The following NWD2 variants were observed in gnomAD, a reference collection of about 807,000 sequenced individuals.
NWD2 encodes the protein NACHT and WD repeat domain containing 2.
A neutral mutation model predicts 132.7 loss-of-function variants in NWD2; 37 were observed. The ratio of observed to expected loss-of-function variants is 0.28; its 90% CI spans 0.21 to 0.37. NWD2 has a LOEUF of 0.37. NWD2 is among the 10% of genes least tolerant of loss of function. NWD2 has a pLI of 1.00. For missense variants in NWD2, 1,592 were observed against 2,122.4 expected (o/e 0.75, Z 4.91); for synonymous variants, 705 against 803.0 (o/e 0.88, Z 2.06).
chr4:37,447,282 A>T lies in NWD2; in HGVS notation c.*65A>T. ...TACAGAAGGGAAAAAAATGTGCCCC[A>T]AATGATAAACTATTCATTTATTAAA... On this transcript the variant is annotated 3_prime_UTR_variant, in exon 7 of 7. Coordinates refer to ENST00000309447, the MANE Select transcript of NWD2 (RefSeq NM_001144990.2). 1 of 1,233,466 alleles carries T rather than the reference A, an allele frequency of 8.1e-7. No homozygotes were observed. The highest frequency in any genetic ancestry group is 1.1e-6 in the Non-Finnish European group (1 of 892,470). 76.4% of individuals were successfully genotyped at this position (1,233,466 alleles called of 1,614,324 possible). A position where few individuals can be genotyped will look rare whatever the true frequency, so the allele number is the denominator to read the frequency against.
chr4:37,362,492 A>G (rs1720000558), intron 3 of NWD2, among the ~76,000 whole-genome samples: 1 of 152,202 alleles, frequency 6.6e-6, no homozygotes, highest in Non-Finnish European at 1.5e-5. Context: ...ATGGAACAAA[A>G]TGGAGAACCC....
intron 3 of NWD2, among the ~76,000 whole-genome samples, chr4:37,416,988 G>A (rs1226050751): frequency 6.6e-6 from 1 of 152,058 alleles, no homozygotes; most frequent in Non-Finnish European, 1.5e-5. Context: ...CACATGTTGG[G>A]TACAGTGTAT....
intron 3 of NWD2, among the ~76,000 whole-genome samples, chr4:37,405,360 ATAG>A (rs1011085442): frequency 2.0e-5 from 3 of 152,116 alleles, no homozygotes; most frequent in Non-Finnish European, 2.9e-5. Flanking sequence ...TAGCAGTCTA[ATAG>A]TAGATCAATA....
intron 2 of NWD2, among the ~76,000 whole-genome samples, chr4:37,337,470 A>G (rs764740116): frequency 2.6e-5 from 4 of 152,210 alleles, no homozygotes; most frequent in Non-Finnish European, 5.9e-5. Flanking sequence ...TCACCCTAGC[A>G]GGAAGATCTT....
chr4:37,445,978 C>A lies in NWD2; in HGVS notation c.3990C>A (p.Ile1330=), dbSNP rs1035953245. 4.5e-6 allele frequency: 7 copies of A among 1,551,478 alleles called. No individual in the cohort carries two copies. The Admixed American group carries it at 5.9e-5, about 13-fold the overall frequency. ...TGTTGTTGCCTGCTAGAGGGGAAATCATTTACTCCCTGGATGGATCCGATT... is the reference window on the plus strand; with the variant it reads ...TGTTGTTGCCTGCTAGAGGGGAAATAATTTACTCCCTGGATGGATCCGATT... ...QSLLLPARGE[I]IYSLDGSDCV... The change falls in exon 7 of 7, where the codon ATC becomes ATA. Residue 1330 remains isoleucine (I), a synonymous_variant. Coordinates refer to ENST00000309447, the MANE Select transcript of NWD2 (RefSeq NM_001144990.2). This position sits in a 1 kb window ranked among gnomAD's most constrained non-coding sequence, Gnocchi z 4.7.
chr4:37,339,069 GGGCCAGTGCTCCA>G (rs1174456653), intron 2 of NWD2, among the ~76,000 whole-genome samples: 1 of 152,134 alleles, frequency 6.6e-6, no homozygotes, highest in Non-Finnish European at 1.5e-5. Flanking sequence ...TCATTTCACA[GGGCCAGTGCTCCA>G]ACCTGTTTAG....
intron 2 of NWD2, among the ~76,000 whole-genome samples, chr4:37,351,474 T>A (rs186637159): frequency 2.7e-4 from 41 of 152,322 alleles, no homozygotes; most frequent in African/African-American, 9.6e-4. Context: ...CAAAGAGGTG[T>A]TTATAGTATT....
intron 1 of NWD2, among the ~76,000 whole-genome samples, chr4:37,285,022 G>A (rs1185806051): frequency 6.6e-6 from 1 of 152,048 alleles, no homozygotes; most frequent in Non-Finnish European, 1.5e-5. Context: ...GTAAGTACAG[G>A]TAGGGATGAG....
intron 2 of NWD2, among the ~76,000 whole-genome samples, chr4:37,328,970 A>T (rs977690391): frequency 3.9e-5 from 6 of 152,108 alleles, no homozygotes; most frequent in Non-Finnish European, 8.8e-5. Context: ...AGACAGCTGC[A>T]TTCCTTGTCC....
intron 5 of NWD2, among the ~76,000 whole-genome samples, chr4:37,435,678 G>T (rs903310925): frequency 1.3e-5 from 2 of 152,074 alleles, no homozygotes; most frequent in Admixed American, 6.5e-5. Flanking sequence ...TCCAGTGTTT[G>T]GTTATTTCCC....
In NWD2 at chr4:37,292,161, C is replaced by T. The variant is rs139986862; in HGVS notation, c.152-33775C>T. 6.8e-3 allele frequency among the ~76,000 whole-genome samples: 1,039 copies of T among 152,254 alleles called. 6 individuals are homozygous for T. Among genetic ancestry groups the T allele is most frequent in the Non-Finnish European group, 0.012 (787 of 68,020 alleles). On this transcript the variant is annotated intron_variant, in intron 1 of 6. Transcript: ENST00000309447. ...TGCATTCCCTTAGGCGATCCGTTGT[C>T]AGGGCAAATTCCTAGGCGCTCCAAA...
chr4:37,268,039 A>T (rs1044226965), intron 1 of NWD2, among the ~76,000 whole-genome samples: 2 of 151,890 alleles, frequency 1.3e-5, no homozygotes, highest in African/African-American at 2.4e-5. Flanking sequence ...TACAAAGAAA[A>T]TAGATTTGTA....
intron 3 of NWD2, among the ~76,000 whole-genome samples, chr4:37,361,982 A>G (rs746440289): frequency 1.3e-5 from 2 of 152,226 alleles, no homozygotes; most frequent in Non-Finnish European, 2.9e-5. Context: ...TCAGGATACA[A>G]AATCTATGTA....
intron 1 of NWD2, among the ~76,000 whole-genome samples, chr4:37,307,418 GTTTTTTTTCTTTCAGCAC>G (rs1718731998): frequency 1.3e-5 from 2 of 151,670 alleles, no homozygotes; most frequent in Admixed American, 1.3e-4. Flanking sequence ...GGCTGCCAGG[GTTTTTTTTCTTTCAGCAC>G]TTTAAATATA....
At chr4:37,391,969 G>A (rs890121876) in intron 3 of NWD2, among the ~76,000 whole-genome samples, 15 of 152,152 alleles carry the variant, frequency 9.9e-5, no homozygotes, top group Admixed American at 3.9e-4. Context: ...TTTGGGAGGC[G>A]GAGGGTCGAT....
intron 1 of NWD2, among the ~76,000 whole-genome samples, chr4:37,246,156 T>G (rs1717239835): frequency 6.6e-6 from 1 of 152,172 alleles, no homozygotes; most frequent in South Asian, 2.1e-4. Flanking sequence ...GTGAAAGATT[T>G]GAGAATTAAC....
Position 37,445,899 on chromosome 4 carries a change from A to G in NWD2, c.3911A>G (p.Asp1304Gly). The G allele has an allele frequency of 3.2e-6, 5 of 1,551,560 alleles. No homozygotes were observed. Among genetic ancestry groups the G allele is most frequent in the Non-Finnish European group, 4.4e-6 (5 of 1,146,730 alleles). ...TSGVLSIWDIDIITAMSNIDK... is the reference protein window; with the variant it reads ...TSGVLSIWDIGIITAMSNIDK... ...GGTGTTCTTTCCATTTGGGACATAG[A>G]TATAATCACAGCTATGTCCAACATA... is the stretch of plus-strand genomic sequence containing the variant. The change falls in exon 7 of 7, where the codon GAT (aspartate) becomes GGT (glycine). Residue 1304 changes from aspartate to glycine, a missense_variant. Transcript: ENST00000309447. The surrounding 1 kb of genome is among the most constrained non-coding windows in gnomAD (Gnocchi z 4.7).
chr4:37,437,478 A>G (rs1712351572), intron 5 of NWD2, among the ~76,000 whole-genome samples: 1 of 152,218 alleles, frequency 6.6e-6, no homozygotes, highest in Non-Finnish European at 1.5e-5. Context: ...AATTTCTGGG[A>G]GACACAAACA....
intron 5 of NWD2, among the ~76,000 whole-genome samples, chr4:37,434,317 A>G (rs1205203263): frequency 1.3e-5 from 2 of 152,080 alleles, no homozygotes; most frequent in Non-Finnish European, 2.9e-5. Flanking sequence ...TTCATCACTT[A>G]CCCGCTTATC....
Sources: gnomAD v4.1 joint callset for allele counts (sites outside exome capture counted in the v4.1 genomes callset) on GRCh38, gnomAD v4.1.1 for gene constraint, Gnocchi (gnomAD v3.1) non-coding constraint, MANE v1.5 for transcripts, NCBI Gene and HGNC (gene_info 2026-07-23, HGNC 2026-07-21) for gene names.